Variants in STON2 observed in about 807,000 individuals in gnomAD.
STON2 encodes stonin-2.
STON2 carries 29 observed loss-of-function variants against 65.7 expected under a neutral mutation model. That is an observed-to-expected ratio of 0.44 (90% confidence interval 0.33 to 0.60). STON2 has a LOEUF of 0.60. STON2 is among the 20% of genes least tolerant of loss of function. The pLI is 0.03. For missense variants in STON2, 1,054 were observed against 1,118.1 expected (o/e 0.94, Z 0.82); for synonymous variants, 404 against 414.2 (o/e 0.98, Z 0.30).
chr14:81,312,862 G>A (rs1473628229), intron 5 of STON2, among the ~76,000 whole-genome samples: 1 of 152,162 alleles, frequency 6.6e-6, no homozygotes, highest in Non-Finnish European at 1.5e-5. Flanking sequence ...TCATATTTTG[G>A]TAGCAAATTC....
At chr14:81,384,118 A>G (rs2140403672) in intron 3 of STON2, among the ~76,000 whole-genome samples, 1 of 152,126 alleles carries the variant, frequency 6.6e-6, no homozygotes. Context: ...TTTACCTCTC[A>G]AACAGTCACT....
chr14:81,311,311 T>C (rs1381064915), intron 5 of STON2, among the ~76,000 whole-genome samples: 1 of 152,186 alleles, frequency 6.6e-6, no homozygotes, highest in Non-Finnish European at 1.5e-5. Flanking sequence ...TCTGCTCTGC[T>C]CTGCTCGCCT....
At chr14:81,298,543 T>C (rs1464628138) in intron 5 of STON2, among the ~76,000 whole-genome samples, 1 of 152,144 alleles carries the variant, frequency 6.6e-6, no homozygotes, top group Non-Finnish European at 1.5e-5. Flanking sequence ...ATCCCTGATC[T>C]ATATACCTCT....
intron 3 of STON2, among the ~76,000 whole-genome samples, chr14:81,384,431 T>A (rs184579331): frequency 6.6e-6 from 1 of 152,242 alleles, no homozygotes; most frequent in African/African-American, 2.4e-5. Context: ...AGACAGGGTT[T>A]CACTATGTTG....
At chr14:81,288,380 A>G (rs540811813) in intron 5 of STON2, among the ~76,000 whole-genome samples, 5 of 152,352 alleles carry the variant, frequency 3.3e-5, no homozygotes, top group Admixed American at 6.5e-5. Context: ...AAACCTAGAT[A>G]GTATAACCTA....
At chr14:81,421,307 T>C (rs150786850) in intron 2 of STON2, among the ~76,000 whole-genome samples, 7 of 152,146 alleles carry the variant, frequency 4.6e-5, no homozygotes, top group Admixed American at 2.0e-4. Flanking sequence ...AGGAGAAAAG[T>C]AAGACAGGAG....
At chr14:81,337,755 G>T (rs1897430909) in intron 4 of STON2, among the ~76,000 whole-genome samples, 1 of 152,144 alleles carries the variant, frequency 6.6e-6, no homozygotes, top group African/African-American at 2.4e-5. Flanking sequence ...AAGGAGGTCA[G>T]TCCTACCTTG....
chr14:81,338,424 C>A (rs909888618), intron 4 of STON2, among the ~76,000 whole-genome samples: 1 of 152,198 alleles, frequency 6.6e-6, no homozygotes, highest in Non-Finnish European at 1.5e-5. Flanking sequence ...TGTGGAAGCT[C>A]TGGGCCCCTT....
intron 4 of STON2, among the ~76,000 whole-genome samples, chr14:81,335,676 A>T (rs750183030): frequency 6.6e-6 from 1 of 152,242 alleles, no homozygotes; most frequent in Non-Finnish European, 1.5e-5. Flanking sequence ...AATGGGTTCC[A>T]TAAGTTTCAT....
intron 5 of STON2, among the ~76,000 whole-genome samples, chr14:81,298,213 C>T (rs1566895636): frequency 6.6e-6 from 1 of 152,044 alleles, no homozygotes. Flanking sequence ...ATGCGGGTGC[C>T]CTTCCAGGAA....
chr14:81,402,756 A>G (rs146134276), upstream of STON2, among the ~76,000 whole-genome samples: 23 of 152,264 alleles, frequency 1.5e-4, 1 homozygote, highest in South Asian at 2.5e-3. Flanking sequence ...ATGATCTCTC[A>G]CGCAGACAGT....
chr14:81,420,379 C>T (rs1419648680), intron 2 of STON2, among the ~76,000 whole-genome samples: 1 of 152,186 alleles, frequency 6.6e-6, no homozygotes, highest in Non-Finnish European at 1.5e-5. Context: ...GCTCATGGAG[C>T]ATCTGCAGGT....
Position 81,267,440 on chromosome 14 carries a change from A to C in STON2, c.*974T>G. On this transcript the variant is annotated 3_prime_UTR_variant, in exon 8 of 8. Coordinates refer to ENST00000614646, the MANE Select transcript of STON2 (RefSeq NM_001394390.1). ...ATCTTTGCAGCTTAAATTTCCTATA[A>C]AGTTGGGTTAAAGGGACATGCAACT... The C allele has an allele frequency of 1.0e-6, 1 of 985,352 alleles. No individual in the cohort carries two copies. The highest frequency in any genetic ancestry group is 1.2e-6 in the Non-Finnish European group (1 of 829,886). The allele number at this position is 985,352 out of a possible 1,614,324, so 61.0% of individuals were successfully genotyped here.
In STON2 at chr14:81,261,943, A is replaced by G. The variant is rs1894163160; in HGVS notation, c.*6471T>C. On this transcript the variant is annotated 3_prime_UTR_variant, in exon 8 of 8. Transcript: ENST00000614646. ...TCTGTTTCTGTTGTCTGGGGAAATG[A>G]TAAAAAAAAAAAAAAAAAAGAGAGA... 3 of 1,343,092 alleles carry G rather than the reference A, an allele frequency of 2.2e-6. No individual in the cohort carries two copies. Among genetic ancestry groups the G allele is most frequent in the African/African-American group, 1.8e-5 (1 of 55,558 alleles). 83.2% of individuals were successfully genotyped at this position (1,343,092 alleles called of 1,614,324 possible).
At chr14:81,312,332 C>T (rs1451992576) in intron 5 of STON2, among the ~76,000 whole-genome samples, 1 of 152,174 alleles carries the variant, frequency 6.6e-6, no homozygotes, top group Non-Finnish European at 1.5e-5. Context: ...TAAAGCTAAA[C>T]ACTTAGGGAG....
At chr14:81,409,585 A>G (rs1278686923) in intron 2 of STON2, among the ~76,000 whole-genome samples, 4 of 152,182 alleles carry the variant, frequency 2.6e-5, no homozygotes, top group Non-Finnish European at 4.4e-5. Context: ...TCACTTTTAC[A>G]GTAACCCTGA....
intron 6 of STON2, among the ~76,000 whole-genome samples, chr14:81,274,562 C>T (rs1044371142): frequency 2.6e-5 from 4 of 151,852 alleles, no homozygotes; most frequent in Admixed American, 1.3e-4. Context: ...TAATCTTCCC[C>T]GGTGCTACAT....
chr14:81,357,688 C>T (rs1595390595), intron 4 of STON2, among the ~76,000 whole-genome samples: 1 of 152,092 alleles, frequency 6.6e-6, no homozygotes, highest in East Asian at 1.9e-4. Flanking sequence ...CACATATACA[C>T]CATGGAATAC....
At chr14:81,306,220 C>CTATTTTTT (rs1555397665) in intron 5 of STON2, among the ~76,000 whole-genome samples, 1 of 69,490 alleles carries the variant, frequency 1.4e-5, no homozygotes. Flanking sequence ...CATACATACT[C>CTATTTTTT]TTTTTTTTTT....
Sources: allele counts gnomAD v4.1 joint callset (sites outside exome capture counted in the v4.1 genomes callset), GRCh38; gene constraint gnomAD v4.1.1; transcripts MANE v1.5; gene names NCBI Gene and HGNC (gene_info 2026-07-23, HGNC 2026-07-21).